The following HYCC1 variants were observed in gnomAD, a reference collection of about 807,000 sequenced individuals.
The protein encoded by HYCC1 is hyccin PI4KA lipid kinase complex subunit 1, also known as hyccin.
At chr7:23,000,627 T>G in the HYCC1 span, among the ~76,000 whole-genome samples, 1 of 152,142 alleles carries the variant, frequency 6.6e-6, no homozygotes, top group African/African-American at 2.4e-5. Flanking sequence ...AAACGATCTC[T>G]CCTGTTATTT....
the HYCC1 span, among the ~76,000 whole-genome samples, chr7:22,988,223 T>C: frequency 6.6e-6 from 1 of 152,296 alleles, no homozygotes; most frequent in Non-Finnish European, 1.5e-5. Context: ...GAACTGGCTA[T>C]AATACAGATT....
At chr7:22,954,744 C>A in the HYCC1 span, among the ~76,000 whole-genome samples, 1 of 151,400 alleles carries the variant, frequency 6.6e-6, no homozygotes, top group Non-Finnish European at 1.5e-5. Context: ...GAAATATATA[C>A]AGTTGCTACT....
At chr7:22,913,491 G>T in the HYCC1 span, among the ~76,000 whole-genome samples, 1 of 152,180 alleles carries the variant, frequency 6.6e-6, no homozygotes, top group Non-Finnish European at 1.5e-5. Context: ...CCAAGCCTGC[G>T]TGTATACATC....
the HYCC1 span, among the ~76,000 whole-genome samples, chr7:22,971,806 C>CTGCT: frequency 2.0e-5 from 3 of 151,936 alleles, no homozygotes; most frequent in African/African-American, 4.8e-5. Context: ...CTTTTCTGTC[C>CTGCT]TGCTTGTTCT....
the HYCC1 span, among the ~76,000 whole-genome samples, chr7:22,910,192 C>T: frequency 1.3e-5 from 2 of 152,136 alleles, no homozygotes; most frequent in Non-Finnish European, 2.9e-5. Flanking sequence ...TTGGAGGTGG[C>T]GCATAGTGGG....
chr7:22,954,511 C>T, the HYCC1 span, among the ~76,000 whole-genome samples: 1 of 151,026 alleles, frequency 6.6e-6, no homozygotes, highest in Non-Finnish European at 1.5e-5. Flanking sequence ...CTGTTATAAT[C>T]ATTTAACTTT....
the HYCC1 span, chr7:22,978,512 A>C: frequency 7.5e-7 from 1 of 1,324,504 alleles, no homozygotes; most frequent in Non-Finnish European, 1.1e-6. Flanking sequence ...TACTATATGA[A>C]GTATAAAAGG....
chr7:22,947,748 A>T, the HYCC1 span, among the ~76,000 whole-genome samples: 7 of 150,598 alleles, frequency 4.6e-5, no homozygotes, highest in African/African-American at 1.7e-4. Flanking sequence ...TCTATTTTTT[A>T]TGAGGCTACA....
the HYCC1 span, among the ~76,000 whole-genome samples, chr7:22,967,181 A>G: frequency 1.3e-5 from 2 of 152,228 alleles, no homozygotes; most frequent in Admixed American, 6.5e-5. Flanking sequence ...GGGACTCACA[A>G]TCTAATCATG....
At chr7:22,995,047 T>C in the HYCC1 span, among the ~76,000 whole-genome samples, 1 of 152,192 alleles carries the variant, frequency 6.6e-6, no homozygotes, top group African/African-American at 2.4e-5. Context: ...CTTCTTTTCA[T>C]GAGACACTAG....
At chr7:22,983,922 A>G in the HYCC1 span, 1 of 1,352,624 alleles carries the variant, frequency 7.4e-7, no homozygotes, top group Non-Finnish European at 1.1e-6. Context: ...CTGTTAGCAC[A>G]ATAAACCATA....
the HYCC1 span, among the ~76,000 whole-genome samples, chr7:22,953,466 A>G: frequency 3.9e-5 from 6 of 151,916 alleles, no homozygotes; most frequent in Non-Finnish European, 5.9e-5. Flanking sequence ...CATGAGACCA[A>G]TAATTCTGTC....
chr7:22,954,832 A>G, the HYCC1 span, among the ~76,000 whole-genome samples: 1 of 151,630 alleles, frequency 6.6e-6, no homozygotes, highest in African/African-American at 2.4e-5. Flanking sequence ...CTGTTATTAA[A>G]ATAAACCATT....
the HYCC1 span, among the ~76,000 whole-genome samples, chr7:22,958,905 C>A: frequency 6.6e-6 from 1 of 152,144 alleles, no homozygotes; most frequent in South Asian, 2.1e-4. Flanking sequence ...GTAGCAGTAG[C>A]TTAGAAGCAA....
At chr7:22,926,226 A>T in the HYCC1 span, among the ~76,000 whole-genome samples, 15 of 152,244 alleles carry the variant, frequency 9.9e-5, no homozygotes, top group African/African-American at 3.4e-4. Flanking sequence ...CACTGCAAAA[A>T]CATGCCAAAT....
the HYCC1 span, among the ~76,000 whole-genome samples, chr7:22,951,767 G>A: frequency 4.6e-5 from 7 of 151,934 alleles, no homozygotes; most frequent in East Asian, 1.4e-3. Context: ...GTGATATCAT[G>A]TAGCCATTAA....
chr7:22,925,515 A>T, the HYCC1 span, among the ~76,000 whole-genome samples: 73 of 152,378 alleles, frequency 4.8e-4, no homozygotes, highest in African/African-American at 1.6e-3. Flanking sequence ...AAACCACGGC[A>T]CGAGAACTAC....
At chr7:22,912,677 G>C in the HYCC1 span, among the ~76,000 whole-genome samples, 1 of 152,198 alleles carries the variant, frequency 6.6e-6, no homozygotes. Flanking sequence ...TCAGAAAAGA[G>C]AGTTCCAATC....
At chr7:22,938,185 T>G in the HYCC1 span, 2 of 152,186 alleles carry the variant, frequency 1.3e-5, 1 homozygote, top group South Asian at 4.1e-4. Context: ...TTGTTGTTGT[T>G]GTTTGTAGAG....
Sources: gnomAD v4.1 joint callset for allele counts (sites outside exome capture counted in the v4.1 genomes callset) on GRCh38, gnomAD v4.1.1 for gene constraint, MANE v1.5 for transcripts, NCBI Gene and HGNC (gene_info 2026-07-23, HGNC 2026-07-21) for gene names.